The following CALN1 variants were observed in gnomAD, a reference collection of about 807,000 sequenced individuals.
CALN1 encodes calneuron 1.
A neutral mutation model predicts 30.6 loss-of-function variants in CALN1; 17 were observed. The observed-to-expected ratio is 0.56, with a 90% CI of 0.38 to 0.83. CALN1 has a LOEUF of 0.83. Among genes scored for constraint, CALN1 ranks in the 40% least tolerant of loss-of-function variants. The probability of loss-of-function intolerance (pLI) is 0.00; values close to 1 mark genes in which losing one functional copy is unlikely to be tolerated. For synonymous variants in CALN1, 156 were observed against 131.4 expected, an observed-to-expected ratio of 1.19 and a Z score of -1.28; for missense variants, 291 against 354.9, an observed-to-expected ratio of 0.82 and a Z score of 1.45.
chr7:72,499,302 A>G, the CALN1 span, among the ~76,000 whole-genome samples: 23,420 of 152,204 alleles, frequency 0.15, 1,974 homozygotes, highest in African/African-American at 0.2. Context: ...AAGTGCTGGA[A>G]TTACAGGCAT....
chr7:72,336,095 C>A (rs1034544344), intron 2 of CALN1, among the ~76,000 whole-genome samples: 3 of 152,166 alleles, frequency 2.0e-5, no homozygotes, highest in Admixed American at 6.5e-5. Context: ...CTCTGGTTAC[C>A]CCTTGCACCC....
At chr7:72,197,071 G>A (rs1220567655) in intron 3 of CALN1, among the ~76,000 whole-genome samples, 3 of 151,652 alleles carry the variant, frequency 2.0e-5, no homozygotes, top group Non-Finnish European at 4.4e-5. Flanking sequence ...AATTTTGAGT[G>A]AGTTTGGCCA....
At chr7:72,312,607 G>A (rs895104261) in intron 2 of CALN1, among the ~76,000 whole-genome samples, 2 of 151,986 alleles carry the variant, frequency 1.3e-5, no homozygotes, top group East Asian at 1.9e-4. Context: ...AATTCAAAAT[G>A]TAACTTTGGA....
intron 2 of CALN1, among the ~76,000 whole-genome samples, chr7:72,394,531 G>C (rs1805786406): frequency 6.6e-6 from 1 of 152,092 alleles, no homozygotes; most frequent in African/African-American, 2.4e-5. Context: ...AAAGGATGCT[G>C]GTAATCAACT....
Position 72,063,893 on chromosome 7 carries a change from C to T in CALN1, c.389-40124G>A, listed in dbSNP as rs538648406. ...ATCCAAAATCCAAACACTTCTGGTC[C>T]CAGGAATTTCAGATAAGGAATACTC... On this transcript the variant is annotated intron_variant, in intron 4 of 6. Transcript: ENST00000395275. Among the ~76,000 whole-genome samples, 4 of 152,240 alleles carry T rather than the reference C, an allele frequency of 2.6e-5. No homozygotes were observed. In the South Asian group the frequency reaches 8.3e-4, roughly 32 times the overall value.
At chr7:72,044,871 C>T (rs1164085953) in intron 4 of CALN1, among the ~76,000 whole-genome samples, 1 of 152,260 alleles carries the variant, frequency 6.6e-6, no homozygotes, top group Non-Finnish European at 1.5e-5. Context: ...CCTCCCACCT[C>T]AGCCTCCCAA....
chr7:71,818,962 C>A (rs1260120671), intron 5 of CALN1, among the ~76,000 whole-genome samples: 1 of 151,880 alleles, frequency 6.6e-6, no homozygotes, highest in Non-Finnish European at 1.5e-5. Context: ...CCCGCCTCAG[C>A]CTCCCAAAGT....
At chr7:71,917,424 G>A (rs1276583822) in intron 5 of CALN1, among the ~76,000 whole-genome samples, 5 of 152,104 alleles carry the variant, frequency 3.3e-5, no homozygotes, top group Admixed American at 1.3e-4. Context: ...AAGTATCCTC[G>A]CCCTACATGC....
chr7:72,068,443 T>C lies in CALN1; in HGVS notation c.388+37708A>G, dbSNP rs528219411. Among the ~76,000 whole-genome samples the C allele has an allele frequency of 1.1e-4, 16 of 152,296 alleles. No homozygotes were observed. The South Asian group carries it at 3.1e-3, about 30-fold the overall frequency. On this transcript the variant is annotated intron_variant, in intron 4 of 6. Coordinates refer to ENST00000395275, the MANE Select transcript of CALN1 (RefSeq NM_031468.4). ...TTAAACAAATCCTGGATTGTAATCA[T>C]GGCTTATTGACCTAAACCAAGTCAT... is the stretch of plus-strand genomic sequence containing the variant.
chr7:72,481,103 C>A, the CALN1 span, among the ~76,000 whole-genome samples: 1 of 152,214 alleles, frequency 6.6e-6, no homozygotes, highest in South Asian at 2.1e-4. Flanking sequence ...CAGGCGCAGG[C>A]CACCAGGCAC....
chr7:72,354,466 G>A (rs1803109323), intron 2 of CALN1, among the ~76,000 whole-genome samples: 1 of 152,128 alleles, frequency 6.6e-6, no homozygotes. Flanking sequence ...ATTTATATAT[G>A]TATGCAAAGG....
At chr7:72,298,007 C>T (rs1208114137) in intron 2 of CALN1, among the ~76,000 whole-genome samples, 1 of 152,180 alleles carries the variant, frequency 6.6e-6, no homozygotes, top group Non-Finnish European at 1.5e-5. Flanking sequence ...AGTGCACTCA[C>T]CATCTTATTA....
At chr7:72,040,562 T>C (rs1159629860) in intron 4 of CALN1, among the ~76,000 whole-genome samples, 2 of 152,166 alleles carry the variant, frequency 1.3e-5, no homozygotes, top group African/African-American at 4.8e-5. Context: ...TCAAAGTTGA[T>C]AGGTTAATTC....
chr7:72,420,909 TG>T (rs992655834), intron 1 of CALN1, among the ~76,000 whole-genome samples: 6 of 152,098 alleles, frequency 3.9e-5, no homozygotes, highest in African/African-American at 1.4e-4. Flanking sequence ...CCACCACGCC[TG>T]GCCGGGATGC....
chr7:72,371,515 G>C lies in CALN1; in HGVS notation c.119+31736C>G, dbSNP rs150974478. Among the ~76,000 whole-genome samples, 5 of 152,228 alleles carry C rather than the reference G, an allele frequency of 3.3e-5. No individual in the cohort carries two copies. The East Asian group carries it at 7.7e-4, about 24-fold the overall frequency. ...TGGCACTTCTCCTTCCTGCCATCAT[G>C]TGAAGAAGGACGTGTTTGCTTCCCC... On this transcript the variant is annotated intron_variant, in intron 2 of 6. Transcript: ENST00000395275.
chr7:71,930,022 A>T (rs1795466788), intron 5 of CALN1, among the ~76,000 whole-genome samples: 1 of 152,206 alleles, frequency 6.6e-6, no homozygotes, highest in Admixed American at 6.5e-5. Context: ...GTTCCTGTAT[A>T]CTTTAAATCA....
chr7:71,953,403 G>A (rs144440586), intron 5 of CALN1, among the ~76,000 whole-genome samples: 25 of 152,178 alleles, frequency 1.6e-4, no homozygotes, highest in African/African-American at 5.3e-4. Context: ...TAGAAGAATG[G>A]ATTTATCATC....
intron 3 of CALN1, among the ~76,000 whole-genome samples, chr7:72,216,640 G>A (rs1792836950): frequency 6.6e-6 from 1 of 152,082 alleles, no homozygotes; most frequent in African/African-American, 2.4e-5. Context: ...CTGAGTTCTA[G>A]ACATAGAGAA....
At chr7:72,194,576 A>T (rs1195363217) in intron 3 of CALN1, among the ~76,000 whole-genome samples, 2 of 148,398 alleles carry the variant, frequency 1.3e-5, no homozygotes, top group African/African-American at 5.0e-5. Flanking sequence ...GCAGAAGGGG[A>T]TCTCCTAACT....
Sources: gnomAD v4.1 joint callset for allele counts (sites outside exome capture counted in the v4.1 genomes callset) on GRCh38, gnomAD v4.1.1 for gene constraint, MANE v1.5 for transcripts, NCBI Gene and HGNC (gene_info 2026-07-23, HGNC 2026-07-21) for gene names.